Variants in KCNMA1 observed in about 807,000 individuals in gnomAD.
The protein encoded by KCNMA1 is Calcium-activated potassium channel subunit alpha-1.
KCNMA1 carries 29 observed loss-of-function variants against 140.0 expected under a neutral mutation model. That is an observed-to-expected ratio of 0.21 (90% CI 0.15 to 0.28). The LOEUF (loss-of-function observed/expected upper bound fraction) is 0.28, where lower values mean the gene tolerates loss of function less well. Ranked by LOEUF, KCNMA1 falls within the 10% of genes least tolerant of loss-of-function variation. The pLI is 1.00. For missense variants in KCNMA1, 880 were observed against 1,602.2 expected, an observed-to-expected ratio of 0.55 and a Z score of 7.70; for synonymous variants, 612 against 611.9, an observed-to-expected ratio of 1.00 and a Z score of 0.00.
chr10:77,064,092 T>C (rs2095852004), intron 14 of KCNMA1: 5 of 985,482 alleles, frequency 5.1e-6, no homozygotes, highest in Non-Finnish European at 6.0e-6. Flanking sequence ...TGCCTTTCTC[T>C]TTGTTCAGTC....
At chr10:77,163,185 T>C (rs2098588176) in intron 5 of KCNMA1, among the ~76,000 whole-genome samples, 1 of 152,114 alleles carries the variant, frequency 6.6e-6, no homozygotes, top group African/African-American at 2.4e-5. Context: ...AAAAATGTTT[T>C]CCCCCTACAT....
chr10:77,585,220 T>C (rs145485597), intron 1 of KCNMA1, among the ~76,000 whole-genome samples: 200 of 152,232 alleles, frequency 1.3e-3, no homozygotes, highest in African/African-American at 4.6e-3. Flanking sequence ...AACAAATGGC[T>C]GCAACTCCTG....
At chr10:77,215,871 C>T (rs866076115) in intron 3 of KCNMA1, among the ~76,000 whole-genome samples, 3 of 151,326 alleles carry the variant, frequency 2.0e-5, no homozygotes, top group Admixed American at 6.6e-5. Context: ...GCCCCTCCCC[C>T]CCACCTGTCT....
At chr10:77,236,987 T>A (rs1372046344) in intron 3 of KCNMA1, among the ~76,000 whole-genome samples, 1 of 152,206 alleles carries the variant, frequency 6.6e-6, no homozygotes, top group Non-Finnish European at 1.5e-5. Context: ...TCACAAACCA[T>A]GAATGAGTTG....
At chr10:77,558,461 G>A (rs2065291205) in intron 1 of KCNMA1, among the ~76,000 whole-genome samples, 1 of 152,216 alleles carries the variant, frequency 6.6e-6, no homozygotes, top group Non-Finnish European at 1.5e-5. Context: ...ATTTTGACCT[G>A]TGGTTCACCA....
chr10:77,093,858 G>C (rs990538353), intron 9 of KCNMA1, among the ~76,000 whole-genome samples: 13 of 152,178 alleles, frequency 8.5e-5, no homozygotes, highest in African/African-American at 3.1e-4. Flanking sequence ...AGTTATCTCT[G>C]TTGGGTTCCA....
intron 14 of KCNMA1, among the ~76,000 whole-genome samples, chr10:77,053,766 C>A (rs188942495): frequency 2.0e-4 from 31 of 152,292 alleles, no homozygotes; most frequent in Middle Eastern, 3.4e-3. Context: ...AGCCAAACAG[C>A]ACCTACCTCC....
intron 1 of KCNMA1, among the ~76,000 whole-genome samples, chr10:77,504,549 GCAGA>G (rs1275853866): frequency 1.3e-5 from 2 of 151,990 alleles, no homozygotes; most frequent in African/African-American, 4.8e-5. Flanking sequence ...CCTTCCACAA[GCAGA>G]CAGTTTCTTT....
At chr10:77,541,715 G>A (rs2154555093) in intron 1 of KCNMA1, among the ~76,000 whole-genome samples, 1 of 152,242 alleles carries the variant, frequency 6.6e-6, no homozygotes, top group Non-Finnish European at 1.5e-5. Context: ...CAATCTACTG[G>A]TTCTCAGTCT....
chr10:77,056,981 G>A (rs1393543372), intron 14 of KCNMA1, among the ~76,000 whole-genome samples: 1 of 152,006 alleles, frequency 6.6e-6, no homozygotes, highest in East Asian at 1.9e-4. Flanking sequence ...AAGGAAAGCA[G>A]AAATAATATG....
chr10:77,335,983 G>A (rs1261139861), intron 2 of KCNMA1, among the ~76,000 whole-genome samples: 1 of 152,258 alleles, frequency 6.6e-6, no homozygotes. Flanking sequence ...GGGAATGAGA[G>A]GATGAAGAAA....
intron 5 of KCNMA1, among the ~76,000 whole-genome samples, chr10:77,143,267 T>TA (rs1020889905): frequency 3.3e-5 from 5 of 152,136 alleles, no homozygotes; most frequent in African/African-American, 1.2e-4. Flanking sequence ...AAGATTGGTT[T>TA]AAAAAATGAA....
intron 19 of KCNMA1, among the ~76,000 whole-genome samples, chr10:77,000,525 A>T (rs1006647692): frequency 6.6e-6 from 1 of 152,126 alleles, no homozygotes; most frequent in Non-Finnish European, 1.5e-5. Context: ...GTTCTTTAAC[A>T]TCTCTGAGCT....
intron 1 of KCNMA1, among the ~76,000 whole-genome samples, chr10:77,458,925 C>A (rs2154523161): frequency 6.6e-6 from 1 of 152,342 alleles, no homozygotes; most frequent in East Asian, 1.9e-4. Context: ...TTGGACAGCA[C>A]ACATACAGAA....
chr10:77,326,063 T>C (rs1007019937), intron 2 of KCNMA1, among the ~76,000 whole-genome samples: 12 of 152,204 alleles, frequency 7.9e-5, no homozygotes, highest in Non-Finnish European at 1.5e-4. Context: ...CCCTGTGCCT[T>C]ACATGGGGTA....
At chr10:77,415,749 C>T (rs1261476740) in intron 1 of KCNMA1, among the ~76,000 whole-genome samples, 6 of 152,370 alleles carry the variant, frequency 3.9e-5, no homozygotes, top group East Asian at 3.9e-4. Flanking sequence ...CTCACAGGTG[C>T]TCTGTTCCCA....
chr10:77,456,301 G>T (rs768890893), intron 1 of KCNMA1, among the ~76,000 whole-genome samples: 2 of 152,154 alleles, frequency 1.3e-5, no homozygotes, highest in Non-Finnish European at 2.9e-5. Flanking sequence ...ACCTTGGAAA[G>T]CTGGCTCCTT....
intron 1 of KCNMA1, among the ~76,000 whole-genome samples, chr10:77,416,155 G>C (rs1016106070): frequency 2.0e-5 from 3 of 152,112 alleles, no homozygotes; most frequent in Non-Finnish European, 2.9e-5. Context: ...ATAGTGGCCA[G>C]GTTCCCCTCG....
At chr10:77,217,733 C>G (rs1029913949) in intron 3 of KCNMA1, among the ~76,000 whole-genome samples, 2 of 151,854 alleles carry the variant, frequency 1.3e-5, no homozygotes, top group African/African-American at 4.8e-5. Flanking sequence ...TAAACCCTAT[C>G]ATAAATTCAA....
Sources: gnomAD v4.1 joint callset for allele counts (sites outside exome capture counted in the v4.1 genomes callset) on GRCh38, gnomAD v4.1.1 for gene constraint, MANE v1.5 for transcripts, NCBI Gene and HGNC (gene_info 2026-07-23, HGNC 2026-07-21) for gene names.